WWTR1: variants seen among roughly 807,000 people sequenced by gnomAD.
The protein encoded by WWTR1 is WW domain containing transcription regulator 1, also known as WW domain-containing transcription regulator protein 1.
Under a neutral mutation model 40.1 loss-of-function variants are expected in WWTR1, and 13 were observed. That is an observed-to-expected ratio of 0.32 (90% CI 0.21 to 0.52). The LOEUF (loss-of-function observed/expected upper bound fraction) is 0.52. Ranked by LOEUF, WWTR1 falls within the 20% of genes least tolerant of loss-of-function variation. The pLI is 0.97. For synonymous variants in WWTR1, 230 were observed against 210.1 expected, an observed-to-expected ratio of 1.09 and a Z score of -0.82; for missense variants, 436 against 523.1, an observed-to-expected ratio of 0.83 and a Z score of 1.63.
intron 6 of WWTR1, among the ~76,000 whole-genome samples, chr3:149,521,507 C>A (rs1735044662): frequency 6.6e-6 from 1 of 152,182 alleles, no homozygotes; most frequent in African/African-American, 2.4e-5. Context: ...TACCTACACC[C>A]TACAACTATC....
intron 6 of WWTR1, among the ~76,000 whole-genome samples, chr3:149,523,560 T>G (rs946650868): frequency 1.7e-4 from 26 of 152,230 alleles, no homozygotes; most frequent in African/African-American, 6.0e-4. Context: ...AAGGCAATTC[T>G]TAAAAGGGTG....
chr3:149,710,140 T>C (rs527857098), intron 5 of WWTR1, among the ~76,000 whole-genome samples: 54 of 152,280 alleles, frequency 3.5e-4, no homozygotes, highest in African/African-American at 1.3e-3. Flanking sequence ...CTCTCAGTTG[T>C]AGTTCACACC....
chr3:149,535,633 C>T (rs901473913), intron 4 of WWTR1, among the ~76,000 whole-genome samples: 1 of 151,814 alleles, frequency 6.6e-6, no homozygotes, highest in Non-Finnish European at 1.5e-5. Context: ...TTGTATTATT[C>T]CACAACTGGT....
chr3:149,668,936 T>C (rs1196517770), intron 2 of WWTR1, among the ~76,000 whole-genome samples: 2 of 152,212 alleles, frequency 1.3e-5, no homozygotes, highest in Non-Finnish European at 2.9e-5. Context: ...AATTTCAACC[T>C]TGCTAATGAA....
At chr3:149,577,756 G>A (rs1307578430) in intron 2 of WWTR1, among the ~76,000 whole-genome samples, 1 of 152,120 alleles carries the variant, frequency 6.6e-6, no homozygotes, top group Admixed American at 6.6e-5. Context: ...TTATTTAACA[G>A]GTAAATTGTG....
chr3:149,690,926 A>C (rs906698697), intron 1 of WWTR1, among the ~76,000 whole-genome samples: 10 of 152,220 alleles, frequency 6.6e-5, no homozygotes, highest in Admixed American at 6.5e-5. Flanking sequence ...TAAAACGAGA[A>C]ATCAATAACA....
At chr3:149,611,433 C>T (rs944947473) in intron 2 of WWTR1, among the ~76,000 whole-genome samples, 1 of 152,132 alleles carries the variant, frequency 6.6e-6, no homozygotes, top group Non-Finnish European at 1.5e-5. Context: ...CAACAGAGAC[C>T]ATGTGTCTGG....
intron 1 of WWTR1, among the ~76,000 whole-genome samples, chr3:149,696,991 T>C (rs1715014426): frequency 6.6e-6 from 1 of 152,214 alleles, no homozygotes; most frequent in Admixed American, 6.5e-5. Context: ...TCATTCCTGA[T>C]GTCTTAGCAC....
At chr3:149,660,400 TTCCAAGCTTCAAGAAATAGATA>T (rs1260904074), upstream of WWTR1, 1 of 152,208 alleles carries the variant, frequency 6.6e-6, no homozygotes, top group Non-Finnish European at 1.5e-5. Context: ...CTTCGTTTCT[TTCCAAGCTTCAAGAAATAGATA>T]GTGCAACAGA....
intron 5 of WWTR1, among the ~76,000 whole-genome samples, chr3:149,715,984 G>A (rs1291252547): frequency 6.6e-6 from 1 of 152,132 alleles, no homozygotes; most frequent in Admixed American, 6.5e-5. Context: ...TAAGAAAATT[G>A]GTCTCAGGTT....
chr3:149,549,692 A>T (rs1387089240), intron 3 of WWTR1, among the ~76,000 whole-genome samples: 1 of 152,154 alleles, frequency 6.6e-6, no homozygotes, highest in Non-Finnish European at 1.5e-5. Flanking sequence ...TTTAAAAATT[A>T]GCTGGGCATG....
chr3:149,689,030 C>T (rs1413900880), intron 1 of WWTR1, among the ~76,000 whole-genome samples: 1 of 152,158 alleles, frequency 6.6e-6, no homozygotes, highest in Admixed American at 6.5e-5. Flanking sequence ...AGTCTCTCTA[C>T]AGCAGAATGG....
chr3:149,660,047 T>G (rs1713505013), upstream of WWTR1: 1 of 151,284 alleles, frequency 6.6e-6, no homozygotes, highest in Admixed American at 6.6e-5. Context: ...GCCTCCCGAG[T>G]AGCTGGGATT....
At position 149,520,863 on chromosome 3, in the gene WWTR1, A is replaced by C. The variant is rs775621806; in HGVS notation, c.1145T>G (p.Leu382Arg). 1 of 1,613,422 alleles carries C rather than the reference A, an allele frequency of 6.2e-7. No homozygotes were observed. The highest frequency in any genetic ancestry group is 8.5e-7 in the Non-Finnish European group (1 of 1,179,786). Residue 382 changes from leucine (L) to arginine (R), a missense_variant, in exon 7 of 7, where the codon CTC becomes CGC. By Grantham distance (102) the Leu-to-Arg change is moderately radical. Coordinates refer to ENST00000360632, the MANE Select transcript of WWTR1 (RefSeq NM_015472.6). ...GTLESEDLIP[L>R]FNDVESALNK... ...CAGAGCAGACTCTACATCATTGAAG[A>C]GGGGGATCAGGTCTTCAGATTCCAA... is the stretch of plus-strand genomic sequence containing the variant.
intron 4 of WWTR1, among the ~76,000 whole-genome samples, chr3:149,723,519 G>T (rs543920408): frequency 2.0e-5 from 3 of 152,236 alleles, no homozygotes; most frequent in Admixed American, 2.0e-4. Flanking sequence ...TGTTGTTGTT[G>T]TTGTAGGCTG....
intron 1 of WWTR1, among the ~76,000 whole-genome samples, chr3:149,682,151 C>T (rs13088335): frequency 0.038 from 5,796 of 152,274 alleles, 163 homozygotes; most frequent in Non-Finnish European, 0.063. Context: ...TCCACCCTAA[C>T]ATTTAAGACC....
chr3:149,710,493 C>T (rs539914461), intron 5 of WWTR1, among the ~76,000 whole-genome samples: 2 of 149,538 alleles, frequency 1.3e-5, no homozygotes, highest in South Asian at 4.2e-4. Flanking sequence ...TTTAATTATA[C>T]TACTTATAGG....
chr3:149,682,660 T>C, intron 1 of WWTR1, among the ~76,000 whole-genome samples: 1 of 152,316 alleles, frequency 6.6e-6, no homozygotes, highest in South Asian at 2.1e-4. Flanking sequence ...AACCCTGTTA[T>C]TAGTGTTTCT....
rs865990744 is a variant in WWTR1 at position 149,698,676 on chromosome 3, A to G, written c.-108+4448T>C. 1.2e-4 allele frequency among the ~76,000 whole-genome samples: 18 copies of G among 152,312 alleles called. 1 individual carries two copies. The Middle Eastern group carries it at 0.01, about 86-fold the overall frequency. On this transcript the variant is annotated intron_variant, in intron 1 of 7. Coordinates refer to the WWTR1 transcript ENST00000465804. ...TGCCTGGACACCCAGGCTTTTCCAT[A>G]TATCCAGAATCTAGGAGGAAACCAT...
Sources: gnomAD v4.1 joint callset for allele counts (sites outside exome capture counted in the v4.1 genomes callset) on GRCh38, gnomAD v4.1.1 for gene constraint, MANE v1.5 for transcripts, NCBI Gene and HGNC (gene_info 2026-07-23, HGNC 2026-07-21) for gene names.